The following MACROD2 variants were observed in gnomAD, a reference collection of about 807,000 sequenced individuals.
MACROD2 encodes the protein ADP-ribose glycohydrolase MACROD2.
In MACROD2, 36 loss-of-function variants were observed where a neutral mutation model predicts 70.4. That is an observed-to-expected ratio of 0.51 (90% CI 0.39 to 0.68). The LOEUF (loss-of-function observed/expected upper bound fraction) is 0.68, where lower values mean the gene tolerates loss of function less well. MACROD2 is among the 30% of genes least tolerant of loss of function. The probability of loss-of-function intolerance (pLI) is 0.00; values close to 1 mark genes in which losing one functional copy is unlikely to be tolerated. For synonymous variants in MACROD2, 172 were observed against 178.8 expected, an observed-to-expected ratio of 0.96 and a Z score of 0.30; for missense variants, 496 against 538.4, an observed-to-expected ratio of 0.92 and a Z score of 0.78.
At chr20:15,478,037 G>A (rs1348739553) in intron 7 of MACROD2, among the ~76,000 whole-genome samples, 1 of 152,214 alleles carries the variant, frequency 6.6e-6, no homozygotes, top group African/African-American at 2.4e-5. Flanking sequence ...CAGCAGGAAT[G>A]CAATCCTGCC....
At chr20:15,493,503 T>C (rs529955922) in intron 7 of MACROD2, among the ~76,000 whole-genome samples, 1 of 152,324 alleles carries the variant, frequency 6.6e-6, no homozygotes, top group East Asian at 1.9e-4. Flanking sequence ...TGCTTCTGAC[T>C]CCAAAAAGGA....
intron 4 of MACROD2, among the ~76,000 whole-genome samples, chr20:14,608,450 A>G (rs1224909234): frequency 6.6e-6 from 1 of 152,192 alleles, no homozygotes; most frequent in Non-Finnish European, 1.5e-5. Context: ...AGTTAGCCCT[A>G]CAATGCCAAG....
At chr20:14,409,953 G>C (rs1218164873) in intron 3 of MACROD2, among the ~76,000 whole-genome samples, 2 of 152,088 alleles carry the variant, frequency 1.3e-5, no homozygotes, top group African/African-American at 2.4e-5. Context: ...TGTGTAGGTA[G>C]ACATGAAAGT....
At chr20:15,574,177 A>C (rs533437852) in intron 8 of MACROD2, among the ~76,000 whole-genome samples, 2 of 152,238 alleles carry the variant, frequency 1.3e-5, no homozygotes, top group African/African-American at 4.8e-5. Context: ...GTATCCACCA[A>C]CTTTGGGCCA....
intron 5 of MACROD2, among the ~76,000 whole-genome samples, chr20:14,862,007 A>ATATATATTTATATATATATT (rs1568838660): frequency 6.5e-4 from 15 of 23,100 alleles, no homozygotes; most frequent in Non-Finnish European, 8.8e-4. Flanking sequence ...ATATATATTT[A>ATATATATTTATATATATATT]TATATATATA....
chr20:14,751,089 T>G (rs2071863761), intron 5 of MACROD2, among the ~76,000 whole-genome samples: 1 of 152,154 alleles, frequency 6.6e-6, no homozygotes, highest in Non-Finnish European at 1.5e-5. Context: ...TAACTGAACT[T>G]TACTTGTTTC....
chr20:14,011,804 C>G (rs1046111574), intron 2 of MACROD2, among the ~76,000 whole-genome samples: 2 of 152,224 alleles, frequency 1.3e-5, no homozygotes, highest in African/African-American at 4.8e-5. Context: ...GCTGAGATTA[C>G]AGGCCTGAGC....
intron 6 of MACROD2, among the ~76,000 whole-genome samples, chr20:15,325,104 C>T (rs1275791035): frequency 5.3e-5 from 8 of 151,530 alleles, no homozygotes; most frequent in Admixed American, 4.6e-4. Context: ...TAACTGTATC[C>T]TCACCACCTG....
chr20:15,347,957 C>G (rs749941257), intron 6 of MACROD2, among the ~76,000 whole-genome samples: 1 of 152,174 alleles, frequency 6.6e-6, no homozygotes, highest in Admixed American at 6.5e-5. Flanking sequence ...GAGAATTTCT[C>G]AGGATTTTCC....
chr20:14,029,054 C>T (rs576134834), intron 2 of MACROD2, among the ~76,000 whole-genome samples: 8 of 152,204 alleles, frequency 5.3e-5, no homozygotes, highest in Middle Eastern at 3.4e-3. Flanking sequence ...TTCATGTTAC[C>T]GGATGATGTT....
intron 5 of MACROD2, among the ~76,000 whole-genome samples, chr20:14,979,669 C>A (rs867463442): frequency 2.6e-5 from 4 of 152,068 alleles, no homozygotes; most frequent in Admixed American, 2.6e-4. Context: ...TTTTTTTTAC[C>A]AAATGCCAAT....
rs1008689177 is a variant in MACROD2, at chr20:15,270,664, G to A, written c.540+40603G>A. Among the ~76,000 whole-genome samples the A allele has an allele frequency of 5.3e-5, 8 of 152,202 alleles. No homozygotes were observed. In the East Asian group the frequency reaches 7.7e-4, roughly 15 times the overall value. On this transcript the variant is annotated intron_variant, in intron 6 of 17. Transcript: ENST00000684519. The stretch of plus-strand genomic sequence containing the variant: ...GGGCAAAAATATAAATTTTGGGAAC[G>A]GTATTAGAGCTTCTTAGCTGCCTCT...
chr20:14,667,310 G>T (rs1272757702), intron 4 of MACROD2, among the ~76,000 whole-genome samples: 1 of 152,072 alleles, frequency 6.6e-6, no homozygotes, highest in Non-Finnish European at 1.5e-5. Flanking sequence ...GTTCTCCCTA[G>T]ATCCAGTGTG....
intron 8 of MACROD2, among the ~76,000 whole-genome samples, chr20:15,645,705 C>T (rs925904319): frequency 7.9e-5 from 12 of 152,172 alleles, no homozygotes; most frequent in Admixed American, 3.9e-4. Context: ...AAAAGATACT[C>T]TTACTTATAG....
At chr20:14,216,389 C>T (rs1266081515) in intron 3 of MACROD2, among the ~76,000 whole-genome samples, 7 of 152,054 alleles carry the variant, frequency 4.6e-5, no homozygotes, top group Non-Finnish European at 1.5e-5. Context: ...ACCAGTACCA[C>T]ACTGTTTGGT....
intron 3 of MACROD2, among the ~76,000 whole-genome samples, chr20:14,089,007 ATAT>A (rs1416533634): frequency 2.6e-5 from 4 of 152,192 alleles, no homozygotes; most frequent in East Asian, 1.9e-4. Flanking sequence ...GTTCTTTTAA[ATAT>A]TATTATCTTG....
intron 5 of MACROD2, among the ~76,000 whole-genome samples, chr20:14,836,539 T>C (rs389910): frequency 0.86 from 130,006 of 151,970 alleles, 56,010 homozygotes; most frequent in African/African-American, 0.9. Context: ...GTCTTTAAAG[T>C]AGGAATCCTC....
At chr20:14,127,639 C>G in intron 3 of MACROD2, 1 of 422,310 alleles carries the variant, frequency 2.4e-6, no homozygotes, top group Non-Finnish European at 4.5e-6. Context: ...AAATTCAAAA[C>G]AGAATGAAGC....
intron 7 of MACROD2, among the ~76,000 whole-genome samples, chr20:15,488,503 A>C (rs1163406209): frequency 2.6e-5 from 4 of 152,318 alleles, no homozygotes; most frequent in African/African-American, 9.6e-5. Context: ...ACATCATTTC[A>C]GGTAGTGATA....
Sources: gnomAD v4.1 joint callset for allele counts (sites outside exome capture counted in the v4.1 genomes callset) on GRCh38, gnomAD v4.1.1 for gene constraint, MANE v1.5 for transcripts, NCBI Gene and HGNC (gene_info 2026-07-23, HGNC 2026-07-21) for gene names.